COL24A1: variants seen among roughly 807,000 people sequenced by gnomAD.
COL24A1 encodes collagen alpha-1(XXIV) chain.
COL24A1 carries 224 observed loss-of-function variants against 253.9 expected under a neutral mutation model. The ratio of observed to expected loss-of-function variants is 0.88; its 90% CI spans 0.79 to 0.99. The LOEUF (loss-of-function observed/expected upper bound fraction) is 0.99, where lower values mean the gene tolerates loss of function less well. Among genes scored for constraint, COL24A1 ranks in the 50% least tolerant of loss-of-function variants. COL24A1 has a pLI of 0.00. For missense variants in COL24A1, 2,131 were observed against 2,068.5 expected, an observed-to-expected ratio of 1.03 and a Z score of -0.59; for synonymous variants, 685 against 673.7, an observed-to-expected ratio of 1.02 and a Z score of -0.26.
chr1:85,863,221 G>A (rs1679366251), intron 37 of COL24A1, among the ~76,000 whole-genome samples: 1 of 152,152 alleles, frequency 6.6e-6, no homozygotes, highest in South Asian at 2.1e-4. Flanking sequence ...TTTGGGCTGA[G>A]ACGATGGGGT....
intron 10 of COL24A1, among the ~76,000 whole-genome samples, chr1:86,051,061 C>G (rs1700261584): frequency 6.6e-6 from 1 of 152,046 alleles, no homozygotes; most frequent in Non-Finnish European, 1.5e-5. Flanking sequence ...AAAGATTAAT[C>G]TGTTGATAGG....
At chr1:85,965,256 C>T (rs190094543) in intron 22 of COL24A1, among the ~76,000 whole-genome samples, 194 bp from the exon 23 acceptor site, 91 of 152,070 alleles carry the variant, frequency 6.0e-4, no homozygotes, top group Middle Eastern at 3.4e-3. Context: ...GTGCCATGAA[C>T]GGTTCTAGAT....
chr1:85,859,233 T>C (rs1678858166), intron 37 of COL24A1, among the ~76,000 whole-genome samples: 1 of 152,186 alleles, frequency 6.6e-6, no homozygotes, highest in South Asian at 2.1e-4. Context: ...AATGACAGAA[T>C]GTATGCCCAA....
intron 7 of COL24A1, among the ~76,000 whole-genome samples, chr1:86,064,294 T>C (rs1163883592): frequency 6.6e-6 from 1 of 152,188 alleles, no homozygotes; most frequent in East Asian, 1.9e-4. Context: ...AAAGGGGTTC[T>C]ATAAAGTTGT....
At chr1:85,817,799 A>T (rs755863710) in intron 46 of COL24A1, among the ~76,000 whole-genome samples, 1 of 152,162 alleles carries the variant, frequency 6.6e-6, no homozygotes, top group African/African-American at 2.4e-5. Flanking sequence ...GGAGGGCTTC[A>T]TAACCAGGAA....
chr1:85,904,209 T>C (rs1684588704), intron 28 of COL24A1, among the ~76,000 whole-genome samples: 1 of 152,170 alleles, frequency 6.6e-6, no homozygotes, highest in Non-Finnish European at 1.5e-5. Flanking sequence ...AATGCTCAGT[T>C]GTATGCCTCT....
chr1:86,088,417 A>G (rs994414824), intron 7 of COL24A1, among the ~76,000 whole-genome samples: 3 of 152,188 alleles, frequency 2.0e-5, no homozygotes, highest in African/African-American at 7.2e-5. Flanking sequence ...TTAAGAAGAA[A>G]TTTTTTATTT....
intron 2 of COL24A1, among the ~76,000 whole-genome samples, chr1:86,132,351 C>T (rs191828298): frequency 1.1e-3 from 173 of 152,250 alleles, no homozygotes; most frequent in Non-Finnish European, 2.1e-3. Context: ...TTTTGCTGTG[C>T]AGAAGCTCTT....
Position 86,125,967 on chromosome 1 carries a change from GA to G in COL24A1, c.368del (p.Phe123SerfsTer11). Reference sequence around the variant, plus strand: ...GCAGTCTATTTTTATTTCTAATGCTGAAGAGAAATGCATTGTTCACCCGATG... The same window carrying G: ...GCAGTCTATTTTTATTTCTAATGCTGAGAGAAATGCATTGTTCACCCGATG... ...QSHRVNNAFLFSIRNKNRLQL... is the reference protein window; with the variant it reads ...QSHRVNNAFLXSIRNKNRLQL... On this transcript the variant is annotated frameshift_variant, in exon 3 of 60. Transcript: ENST00000370571. LOFTEE classifies it high-confidence loss of function. The G allele has an allele frequency of 6.2e-7, 1 of 1,613,502 alleles. No homozygotes were observed. Among genetic ancestry groups the G allele is most frequent in the South Asian group, 1.1e-5 (1 of 91,078 alleles).
rs200303313 is a variant in COL24A1 at position 85,961,233 on chromosome 1, C to T, written c.2562+16G>A. On this transcript the variant is annotated intron_variant, in intron 24 of 59. Coordinates refer to ENST00000370571, the MANE Select transcript of COL24A1 (RefSeq NM_152890.7). ...CTTACAGCTGATTAAAAAATAAGAG[C>T]ATAAAATAAGCTTACTGTTTCACCA... The T allele has an allele frequency of 4.9e-4, 761 of 1,561,718 alleles. No homozygotes were observed. Among genetic ancestry groups the T allele is most frequent in the South Asian group, 6.6e-4 (59 of 89,138 alleles).
intron 53 of COL24A1, among the ~76,000 whole-genome samples, chr1:85,768,587 C>G (rs5775869): frequency 0.44 from 64,056 of 144,518 alleles, 14,776 homozygotes; most frequent in Middle Eastern, 0.53. Flanking sequence ...TTCTTTTGTG[C>G]GGGGGGAGGG....
chr1:86,149,224 G>A (rs1299783474), intron 1 of COL24A1, among the ~76,000 whole-genome samples: 1 of 152,048 alleles, frequency 6.6e-6, no homozygotes, highest in South Asian at 2.1e-4. Flanking sequence ...ACTAATAATT[G>A]GATCTTTCTC....
chr1:86,056,977 CAT>C (rs902712478), intron 10 of COL24A1, among the ~76,000 whole-genome samples: 2 of 151,722 alleles, frequency 1.3e-5, no homozygotes, highest in African/African-American at 4.8e-5. Context: ...ATTTTAAAAA[CAT>C]ATTTTTTATT....
At chr1:85,865,644 T>C (rs1266791424) in intron 37 of COL24A1, among the ~76,000 whole-genome samples, 3 of 152,212 alleles carry the variant, frequency 2.0e-5, no homozygotes, top group Non-Finnish European at 4.4e-5. Context: ...ACTTTCCCTT[T>C]TCTTAATTCT....
intron 53 of COL24A1, among the ~76,000 whole-genome samples, chr1:85,766,538 C>T (rs1667401959): frequency 6.6e-6 from 1 of 151,934 alleles, no homozygotes; most frequent in African/African-American, 2.4e-5. Flanking sequence ...TCAGCTCTCT[C>T]AGTGGTGGAA....
chr1:86,012,074 C>T (rs1696542769), intron 19 of COL24A1, among the ~76,000 whole-genome samples: 1 of 151,930 alleles, frequency 6.6e-6, no homozygotes, highest in Non-Finnish European at 1.5e-5. Flanking sequence ...TCATTGTAGC[C>T]ACCCAAAGTG....
intron 24 of COL24A1, among the ~76,000 whole-genome samples, chr1:85,918,768 C>G (rs1686163902): frequency 6.6e-6 from 1 of 152,102 alleles, no homozygotes; most frequent in Non-Finnish European, 1.5e-5. Context: ...AAAAATCTCC[C>G]AAGCAATTGT....
intron 51 of COL24A1, among the ~76,000 whole-genome samples, chr1:85,781,749 C>A (rs1157687363): frequency 6.6e-6 from 1 of 152,148 alleles, no homozygotes; most frequent in African/African-American, 2.4e-5. Context: ...AACTTCAGTT[C>A]TTCATCTGTA....
chr1:85,830,285 G>C (rs1277308411), intron 43 of COL24A1, among the ~76,000 whole-genome samples: 1 of 152,132 alleles, frequency 6.6e-6, no homozygotes, highest in Non-Finnish European at 1.5e-5. Flanking sequence ...CCCGTTCTCA[G>C]ATCTCCAGTT....
Sources: gnomAD v4.1 joint callset for allele counts (sites outside exome capture counted in the v4.1 genomes callset) on GRCh38, gnomAD v4.1.1 for gene constraint, MANE v1.5 for transcripts, NCBI Gene and HGNC (gene_info 2026-07-23, HGNC 2026-07-21) for gene names.